BFSP2: variants seen among roughly 807,000 people sequenced by gnomAD.
BFSP2 encodes beaded filament structural protein 2.
A neutral mutation model predicts 44.9 loss-of-function variants in BFSP2; 38 were observed. That is an observed-to-expected ratio of 0.85 (90% CI 0.65 to 1.11). The LOEUF (loss-of-function observed/expected upper bound fraction) is 1.11, where lower values mean the gene tolerates loss of function less well. Among genes scored for constraint, BFSP2 ranks in the 50% least tolerant of loss-of-function variants. The pLI, the probability that BFSP2 is intolerant of heterozygous loss-of-function variation, is 0.00. For synonymous variants in BFSP2, 197 were observed against 209.9 expected (o/e 0.94, Z 0.53); for missense variants, 525 against 533.0 (o/e 0.99, Z 0.15).
intron 1 of BFSP2, among the ~76,000 whole-genome samples, chr3:133,416,625 CCT>C (rs770698206): frequency 8.3e-5 from 12 of 145,004 alleles, no homozygotes; most frequent in African/African-American, 1.0e-4. Flanking sequence ...TCTACTCACC[CCT>C]GTCCTCTCCC....
At chr3:133,418,764 C>T (rs76712918) in intron 1 of BFSP2, among the ~76,000 whole-genome samples, 45 of 152,276 alleles carry the variant, frequency 3.0e-4, no homozygotes, top group African/African-American at 9.1e-4. Context: ...CATTTACTTC[C>T]GTAAGACTCA....
chr3:133,470,832 G>C (rs1411050998), intron 5 of BFSP2, among the ~76,000 whole-genome samples: 1 of 152,212 alleles, frequency 6.6e-6, no homozygotes, highest in Non-Finnish European at 1.5e-5. Context: ...GCATGCATGA[G>C]CTTGGGGAGC....
intron 1 of BFSP2, among the ~76,000 whole-genome samples, chr3:133,418,443 A>G (rs890445176): frequency 5.9e-5 from 9 of 152,244 alleles, no homozygotes; most frequent in Non-Finnish European, 1.2e-4. Context: ...AAGCCCCGGG[A>G]GGTCACGGGA....
intron 5 of BFSP2, among the ~76,000 whole-genome samples, chr3:133,470,558 G>T (rs570185420): frequency 1.4e-4 from 21 of 152,208 alleles, no homozygotes; most frequent in African/African-American, 4.1e-4. Flanking sequence ...TTATTGATTA[G>T]CTCTGTAGTT....
intron 1 of BFSP2, among the ~76,000 whole-genome samples, chr3:133,433,611 G>A (rs1471161845): frequency 6.6e-6 from 1 of 152,146 alleles, no homozygotes; most frequent in Non-Finnish European, 1.5e-5. Context: ...GTCTGAGAAG[G>A]CCACCGCAGT....
chr3:133,463,249 C>T (rs1261035138), intron 4 of BFSP2, among the ~76,000 whole-genome samples: 1 of 152,068 alleles, frequency 6.6e-6, no homozygotes, highest in Non-Finnish European at 1.5e-5. Flanking sequence ...GCAGAGGTTG[C>T]GGTGAGCTGA....
intron 4 of BFSP2, among the ~76,000 whole-genome samples, chr3:133,450,996 C>T (rs1466009370): frequency 1.3e-5 from 2 of 151,200 alleles, no homozygotes; most frequent in Admixed American, 6.6e-5. Flanking sequence ...CTGTAGTCCC[C>T]GCTACTCGGG....
intron 1 of BFSP2, among the ~76,000 whole-genome samples, chr3:133,401,721 C>T (rs894494866): frequency 6.6e-6 from 1 of 152,198 alleles, no homozygotes; most frequent in African/African-American, 2.4e-5. Flanking sequence ...TCTAACCCAC[C>T]AGGGACTGCC....
intron 5 of BFSP2, among the ~76,000 whole-genome samples, chr3:133,468,168 G>T (rs116031191): frequency 6.6e-6 from 1 of 152,240 alleles, no homozygotes; most frequent in Non-Finnish European, 1.5e-5. Context: ...ATGAGATATG[G>T]TCCCTGCCTC....
chr3:133,469,057 CCT>C (rs1165195286), intron 5 of BFSP2, among the ~76,000 whole-genome samples: 1 of 152,168 alleles, frequency 6.6e-6, no homozygotes, highest in Non-Finnish European at 1.5e-5. Flanking sequence ...CACCTGGTCA[CCT>C]CACTTAAACC....
intron 1 of BFSP2, among the ~76,000 whole-genome samples, chr3:133,408,322 C>A (rs1010100028): frequency 1.3e-5 from 2 of 152,164 alleles, no homozygotes; most frequent in African/African-American, 4.8e-5. Flanking sequence ...CCACTTTTAC[C>A]TATCCAATTA....
chr3:133,402,287 G>T (rs1422650886), intron 1 of BFSP2, among the ~76,000 whole-genome samples: 1 of 152,222 alleles, frequency 6.6e-6, no homozygotes, highest in Admixed American at 6.5e-5. Context: ...GCTCCAGATA[G>T]CTACAAGAGC....
Position 133,474,966 on chromosome 3 carries a change from C to T in BFSP2, c.1245-3C>T, listed in dbSNP as rs778064751. 1.1e-5 allele frequency: 18 copies of T among 1,614,188 alleles called. No individual in the cohort carries two copies. Among genetic ancestry groups the T allele is most frequent in the Non-Finnish European group, 1.4e-5 (17 of 1,180,014 alleles). On this transcript the variant is annotated splice_polypyrimidine_tract_variant and splice_region_variant and intron_variant, in intron 6 of 6. Coordinates refer to ENST00000302334, the MANE Select transcript of BFSP2 (RefSeq NM_003571.4). ...CTTCTGACTCCTATGTGTTTCCTTT[C>T]AGCTGATGGAGAAACTTCCTCTTTT...
At position 133,424,218 on chromosome 3, in the gene BFSP2, T is replaced by TGTGTGTGTGTGTGTGTGTGTGTGTG. The variant is rs1473665826; in HGVS notation, c.490-23099_490-23098insGTGTGTGTGTGTGTGTGTGTGTGTG. Among the ~76,000 whole-genome samples, 9 of 64,804 alleles carry TGTGTGTGTGTGTGTGTGTGTGTGTG rather than the reference T, an allele frequency of 1.4e-4. 1 individual carries two copies. The highest frequency in any genetic ancestry group is 3.1e-4 in the African/African-American group (6 of 19,082). The allele number at this position is 64,804 out of a possible 152,430, so 42.5% of individuals were successfully genotyped here. A position where few individuals can be genotyped will look rare whatever the true frequency, so the allele number is the denominator to read the frequency against. On this transcript the variant is annotated intron_variant, in intron 1 of 6. Transcript: ENST00000302334. ...CTACCACCGCGTCCAGCTAATTTTTTTTTTTTTTTTTTTTTTTTTTTTTGT... is the reference window on the plus strand; with the variant it reads ...CTACCACCGCGTCCAGCTAATTTTTTGTGTGTGTGTGTGTGTGTGTGTGTGTTTTTTTTTTTTTTTTTTTTTTTGT...
At position 133,400,314 on chromosome 3, in the gene BFSP2, C is replaced by T. The variant is rs1461114664; in HGVS notation, c.231C>T (p.Ala77=). 1 of 1,613,902 alleles carries T rather than the reference C, an allele frequency of 6.2e-7. No individual in the cohort carries two copies. Among genetic ancestry groups the T allele is most frequent in the Non-Finnish European group, 8.5e-7 (1 of 1,180,048 alleles). Residue 77 remains alanine, a synonymous_variant, in exon 1 of 7, where the codon GCC becomes GCT. Transcript: ENST00000302334. This position sits in a 1 kb window ranked among gnomAD's most constrained non-coding sequence, Gnocchi z 4.0. Reference sequence around the variant, plus strand: ...TGGGTGCCCGTGTGACCCGCCGGGCCCTCGGCATCAGCAGTGTCTTCCTTC... The same window carrying T: ...TGGGTGCCCGTGTGACCCGCCGGGCTCTCGGCATCAGCAGTGTCTTCCTTC... The part of the protein sequence containing the change: ...GGLGARVTRR[A]LGISSVFLQG...
Position 133,432,259 on chromosome 3 carries a change from C to T in BFSP2, c.490-15058C>T, listed in dbSNP as rs140160315. On this transcript the variant is annotated intron_variant, in intron 1 of 6. Coordinates refer to ENST00000302334, the MANE Select transcript of BFSP2 (RefSeq NM_003571.4). ...GTCTTACAGATTAGTTCAGGATCTG[C>T]GCCTTATCAACCAAATTGTTTTGCC... Among the ~76,000 whole-genome samples the T allele has an allele frequency of 7.2e-3, 1,099 of 152,336 alleles. 15 individuals carry two copies. Among genetic ancestry groups the T allele is most frequent in the East Asian group, 0.065 (336 of 5,194 alleles).
rs1202624064 is a variant in BFSP2, at chr3:133,448,549, A to G, written c.633A>G (p.Lys211=). ...AAEEEINSLY[K]VIDEANLTKM... is the part of the protein sequence containing the mutation. The stretch of plus-strand genomic sequence containing the variant: ...AAGAGGAAATTAACTCTCTGTATAA[A>G]GTCATTGATGAGGCTAATTTGACTA... Residue 211 remains lysine (K), a synonymous_variant, in exon 3 of 7, where the codon AAA becomes AAG. Transcript: ENST00000302334. 1.2e-6 allele frequency: 2 copies of G among 1,614,060 alleles called. No individual in the cohort carries two copies. Among genetic ancestry groups the G allele is most frequent in the Non-Finnish European group, 1.7e-6 (2 of 1,180,036 alleles).
intron 1 of BFSP2, among the ~76,000 whole-genome samples, chr3:133,418,828 C>T (rs1158634025): frequency 6.6e-6 from 1 of 152,224 alleles, no homozygotes; most frequent in Non-Finnish European, 1.5e-5. Context: ...TGATATGACC[C>T]TTGTGTTGCG....
At position 133,474,949 on chromosome 3, in the gene BFSP2, T is replaced by A. The variant is rs776555476; in HGVS notation, c.1245-20T>A. On this transcript the variant is annotated intron_variant, in intron 6 of 6. Coordinates refer to ENST00000302334, the MANE Select transcript of BFSP2 (RefSeq NM_003571.4). ...ATTTTCCTCACCCATTGCTTCTGAC[T>A]CCTATGTGTTTCCTTTCAGCTGATG... 6.2e-7 allele frequency: 1 copy of A among 1,614,190 alleles called. No homozygotes were observed.
Sources: gnomAD v4.1 joint callset for allele counts (sites outside exome capture counted in the v4.1 genomes callset) on GRCh38, gnomAD v4.1.1 for gene constraint, Gnocchi (gnomAD v3.1) non-coding constraint, MANE v1.5 for transcripts, NCBI Gene and HGNC (gene_info 2026-07-23, HGNC 2026-07-21) for gene names.